Variants in BRIP1 observed in about 807,000 individuals in gnomAD.
BRIP1 encodes the protein Fanconi anemia group J protein.
A neutral mutation model predicts 119.7 loss-of-function variants in BRIP1; 88 were observed. That is an observed-to-expected ratio of 0.74 (90% CI 0.62 to 0.88). BRIP1 has a LOEUF of 0.88. Ranked by LOEUF, BRIP1 falls within the 40% of genes least tolerant of loss-of-function variation. The pLI, the probability that BRIP1 is intolerant of heterozygous loss-of-function variation, is 0.00. For synonymous variants in BRIP1, 443 were observed against 496.5 expected (o/e 0.89, Z 1.43); for missense variants, 1,259 against 1,455.4 (o/e 0.87, Z 2.20).
rs59441826 is a variant in BRIP1, at chr17:61,759,005, C to CATAAATAAATAAATAAATAAATAA, written c.2098-14438_2098-14415dup. 7.3e-5 allele frequency among the ~76,000 whole-genome samples: 10 copies of CATAAATAAATAAATAAATAAATAA among 136,996 alleles called. No homozygotes were observed. Among genetic ancestry groups the CATAAATAAATAAATAAATAAATAA allele is most frequent in the Non-Finnish European group, 1.4e-4 (9 of 64,220 alleles). 89.9% of individuals were successfully genotyped at this position (136,996 alleles called of 152,430 possible). A position where few individuals can be genotyped will look rare whatever the true frequency, so the allele number is the denominator to read the frequency against. ...CCTGGGTGACAGAGCAAGACCCTGT[C>CATAAATAAATAAATAAATAAATAA]ATAAATAAATAAATAAATAAATAAA... is the stretch of plus-strand genomic sequence containing the variant. On this transcript the variant is annotated intron_variant, in intron 14 of 19. Coordinates refer to ENST00000259008, the MANE Select transcript of BRIP1 (RefSeq NM_032043.3). The surrounding 1 kb of genome is among the most constrained non-coding windows in gnomAD (Gnocchi z 4.9).
chr17:61,744,424 C>T lies in BRIP1; in HGVS notation c.2257+8G>A. 1 of 1,612,934 alleles carries T rather than the reference C, an allele frequency of 6.2e-7. No homozygotes were observed. The highest frequency in any genetic ancestry group is 8.5e-7 in the Non-Finnish European group (1 of 1,179,268). ...TTTTTCACCGACCATGAAATAATTT[C>T]CAGTTACCTTTCTCTCCTTTGTATT... On this transcript the variant is annotated splice_region_variant and intron_variant, in intron 15 of 19. Coordinates refer to ENST00000259008, the MANE Select transcript of BRIP1 (RefSeq NM_032043.3). The surrounding 1 kb of genome is among the most constrained non-coding windows in gnomAD (Gnocchi z 5.0).
Position 61,721,415 on chromosome 17 carries a change from G to A in BRIP1, c.2380-5352C>T, listed in dbSNP as rs559897703. Among the ~76,000 whole-genome samples, 201 of 151,924 alleles carry A rather than the reference G, an allele frequency of 1.3e-3. 1 individual carries two copies. Among genetic ancestry groups the A allele is most frequent in the African/African-American group, 4.8e-3 (197 of 41,436 alleles). On this transcript the variant is annotated intron_variant, in intron 16 of 19. Transcript: ENST00000259008. ...CTCCCGAGTAGCTGAGACTACAGGC[G>A]TGTGCCACCACGCCCAGCTAATTTT...
Position 61,738,088 on chromosome 17 carries a change from C to T in BRIP1, c.2379+4925G>A, listed in dbSNP as rs1185467190. On this transcript the variant is annotated intron_variant, in intron 16 of 19. Transcript: ENST00000259008. The surrounding 1 kb of genome is among the most constrained non-coding windows in gnomAD (Gnocchi z 4.2). ...CACAAAGAATGAAATACAGGTGGAA[C>T]AGAGCTGACTCAGTTGACTTCAACA... Among the ~76,000 whole-genome samples the T allele has an allele frequency of 6.6e-6, 1 of 152,170 alleles. No individual in the cohort carries two copies. The highest frequency in any genetic ancestry group is 2.4e-5 in the African/African-American group (1 of 41,418).
Position 61,852,676 on chromosome 17 carries a change from A to C in BRIP1, c.380-3420T>G, listed in dbSNP as rs1339553554. ...GAGTGAGACCCCACCTCAAATAAAA[A>C]ACAAAAGAAAAATGGCAAACAACTT... On this transcript the variant is annotated intron_variant, in intron 4 of 19. Transcript: ENST00000259008. This position sits in a 1 kb window ranked among gnomAD's most constrained non-coding sequence, Gnocchi z 4.9. Among the ~76,000 whole-genome samples the C allele has an allele frequency of 6.6e-6, 1 of 152,160 alleles. No individual in the cohort carries two copies. Among genetic ancestry groups the C allele is most frequent in the East Asian group, 1.9e-4 (1 of 5,192 alleles).
At chr17:61,712,461 G>A (rs1603291716) in intron 17 of BRIP1, among the ~76,000 whole-genome samples, 1 of 151,094 alleles carries the variant, frequency 6.6e-6, no homozygotes, top group South Asian at 2.1e-4. Context: ...TGATCCACCC[G>A]CCTCCACCTA....
chr17:61,823,446 A>G lies in BRIP1; in HGVS notation c.628-14689T>C, dbSNP rs1421725417. Among the ~76,000 whole-genome samples the G allele has an allele frequency of 6.6e-6, 1 of 152,244 alleles. No homozygotes were observed. Among genetic ancestry groups the G allele is most frequent in the East Asian group, 1.9e-4 (1 of 5,204 alleles). On this transcript the variant is annotated intron_variant, in intron 6 of 19. Coordinates refer to ENST00000259008, the MANE Select transcript of BRIP1 (RefSeq NM_032043.3). The surrounding 1 kb of genome is among the most constrained non-coding windows in gnomAD (Gnocchi z 4.8). ...CTTTACTTCTACAGATGAAAACACA[A>G]TAACTGAAAAGAAAAATCCACTAGT...
rs2077932533 is a variant in BRIP1 at position 61,798,257 on chromosome 17, C to A, written c.1340+843G>T. Among the ~76,000 whole-genome samples, 2 of 151,380 alleles carry A rather than the reference C, an allele frequency of 1.3e-5. No individual in the cohort carries two copies. The highest frequency in any genetic ancestry group is 2.4e-5 in the African/African-American group (1 of 41,208). ...CTAGGTCTTAACATGGAAAGGTCTC[C>A]AAAATACACTGGGAATTGAAAAAAG... On this transcript the variant is annotated intron_variant, in intron 9 of 19. Transcript: ENST00000259008. This position sits in a 1 kb window ranked among gnomAD's most constrained non-coding sequence, Gnocchi z 5.5.
chr17:61,830,222 C>A (rs1285941508), intron 6 of BRIP1, among the ~76,000 whole-genome samples: 2 of 151,022 alleles, frequency 1.3e-5, no homozygotes, highest in Admixed American at 1.3e-4. Context: ...GGGTAAGCCA[C>A]CATGCCTGGC....
At chr17:61,821,077 G>A (rs987416196) in intron 6 of BRIP1, among the ~76,000 whole-genome samples, 1 of 152,118 alleles carries the variant, frequency 6.6e-6, no homozygotes, top group African/African-American at 2.4e-5. Flanking sequence ...GTTTCCATTG[G>A]TTATTTTGTT....
chr17:61,685,597 T>A, intron 19 of BRIP1: 1 of 545,008 alleles, frequency 1.8e-6, no homozygotes, highest in African/African-American at 1.9e-5. Context: ...GACTTGCTCA[T>A]GATCACAAAG....
At chr17:61,716,326 A>C (rs1233436908) in intron 16 of BRIP1, among the ~76,000 whole-genome samples, 1 of 152,070 alleles carries the variant, frequency 6.6e-6, no homozygotes, top group Non-Finnish European at 1.5e-5. Context: ...CACAATTTTC[A>C]GTGTACAAGT....
rs1445661462 is a variant in BRIP1 at position 61,746,073 on chromosome 17, A to G, written c.2098-1482T>C. Among the ~76,000 whole-genome samples, 1 of 152,186 alleles carries G rather than the reference A, an allele frequency of 6.6e-6. No homozygotes were observed. The highest frequency in any genetic ancestry group is 2.4e-5 in the African/African-American group (1 of 41,464). On this transcript the variant is annotated intron_variant, in intron 14 of 19. Transcript: ENST00000259008. The surrounding 1 kb of genome is among the most constrained non-coding windows in gnomAD (Gnocchi z 4.9). ...AAAATTCTCTGGAAAACAGCAACTG[A>G]TCAATTTTTATAAGATAGTTTATTT...
In BRIP1 at chr17:61,713,247, CTG is replaced by C; in HGVS notation, c.2492+2702_2492+2703del. Among the ~76,000 whole-genome samples, 1 of 152,148 alleles carries C rather than the reference CTG, an allele frequency of 6.6e-6. No individual in the cohort carries two copies. ...CTTGATAATGATAATAACTGTGTTA[CTG>C]GTTTGTGTATTTACTATACTGTACT... On this transcript the variant is annotated intron_variant, in intron 17 of 19. Transcript: ENST00000259008. The surrounding 1 kb of genome is among the most constrained non-coding windows in gnomAD (Gnocchi z 4.9).
intron 6 of BRIP1, among the ~76,000 whole-genome samples, chr17:61,835,315 G>A (rs1465926612): frequency 3.3e-5 from 5 of 151,916 alleles, no homozygotes; most frequent in Admixed American, 1.3e-4. Flanking sequence ...CAGGTACATA[G>A]GAAACTAAGC....
Position 61,683,571 on chromosome 17 carries a change from C to CTAT in BRIP1, c.3474_3475insATA (p.Leu1158_Ala1159insIle). ...GCTAAAATGCAATCTGAATTGTTAG[C>CTAT]CAATCTATTTCCTCTATCAGTTTCA... On this transcript the variant is annotated inframe_insertion, in exon 20 of 20. Coordinates refer to ENST00000259008, the MANE Select transcript of BRIP1 (RefSeq NM_032043.3). This position sits in a 1 kb window ranked among gnomAD's most constrained non-coding sequence, Gnocchi z 4.7. 1 of 1,612,724 alleles carries CTAT rather than the reference C, an allele frequency of 6.2e-7. No individual in the cohort carries two copies. Among genetic ancestry groups the CTAT allele is most frequent in the Non-Finnish European group, 8.5e-7 (1 of 1,179,984 alleles).
At position 61,725,133 on chromosome 17, in the gene BRIP1, G is replaced by A. The variant is rs540234603; in HGVS notation, c.2380-9070C>T. Among the ~76,000 whole-genome samples, 2 of 152,208 alleles carry A rather than the reference G, an allele frequency of 1.3e-5. No homozygotes were observed. Among genetic ancestry groups the A allele is most frequent in the South Asian group, 4.1e-4 (2 of 4,822 alleles). On this transcript the variant is annotated intron_variant, in intron 16 of 19. Coordinates refer to ENST00000259008, the MANE Select transcript of BRIP1 (RefSeq NM_032043.3). This position sits in a 1 kb window ranked among gnomAD's most constrained non-coding sequence, Gnocchi z 5.3. ...ACAGTTAACCAAATAGTGTGTGTGTGTGTGTGTGTGTGTATATACACTTTT... is the reference window on the plus strand; with the variant it reads ...ACAGTTAACCAAATAGTGTGTGTGTATGTGTGTGTGTGTATATACACTTTT...
At chr17:61,719,881 G>A (rs1362000596) in intron 16 of BRIP1, among the ~76,000 whole-genome samples, 2 of 152,124 alleles carry the variant, frequency 1.3e-5, no homozygotes, top group African/African-American at 2.4e-5. Flanking sequence ...CAGACTGGAC[G>A]GCAGTGGTGC....
chr17:61,740,134 G>C lies in BRIP1; in HGVS notation c.2379+2879C>G, dbSNP rs2076967887. ...GGTATAATTTCCTGACCACAGCACA[G>C]AGCATTAAAGTACAAGCAGAGCGCA... On this transcript the variant is annotated intron_variant, in intron 16 of 19. Coordinates refer to ENST00000259008, the MANE Select transcript of BRIP1 (RefSeq NM_032043.3). This position sits in a 1 kb window ranked among gnomAD's most constrained non-coding sequence, Gnocchi z 5.4. Among the ~76,000 whole-genome samples the C allele has an allele frequency of 6.6e-6, 1 of 152,032 alleles. No homozygotes were observed. Among genetic ancestry groups the C allele is most frequent in the African/African-American group, 2.4e-5 (1 of 41,406 alleles).
rs1028008584 is a variant in BRIP1, at chr17:61,808,346, C to G, written c.918+121G>C. The stretch of plus-strand genomic sequence containing the variant: ...AATTGTTTTTTAAAAGATATCAATA[C>G]TAGCAGTTAATTTGATTTTCCGAAG... On this transcript the variant is annotated intron_variant, in intron 7 of 19. Coordinates refer to ENST00000259008, the MANE Select transcript of BRIP1 (RefSeq NM_032043.3). This position sits in a 1 kb window ranked among gnomAD's most constrained non-coding sequence, Gnocchi z 4.1. 2.0e-6 allele frequency: 2 copies of G among 1,002,844 alleles called. No homozygotes were observed. The highest frequency in any genetic ancestry group is 3.2e-5 in the African/African-American group (2 of 62,032). The allele number at this position is 1,002,844 out of a possible 1,614,324, so 62.1% of individuals were successfully genotyped here. A position where few individuals can be genotyped will look rare whatever the true frequency, so the allele number is the denominator to read the frequency against.
Sources: allele counts gnomAD v4.1 joint callset (sites outside exome capture counted in the v4.1 genomes callset), GRCh38; gene constraint gnomAD v4.1.1; non-coding constraint Gnocchi (gnomAD v3.1); transcripts MANE v1.5; gene names NCBI Gene and HGNC (gene_info 2026-07-23, HGNC 2026-07-21).